ELMO1: variants seen among roughly 807,000 people sequenced by gnomAD.
ELMO1 encodes engulfment and cell motility 1, also known as engulfment and cell motility protein 1.
In ELMO1, 26 loss-of-function variants were observed where a neutral mutation model predicts 98.9. The ratio of observed to expected loss-of-function variants is 0.26; its 90% confidence interval spans 0.19 to 0.36. The LOEUF (loss-of-function observed/expected upper bound fraction) is 0.36, where lower values mean the gene tolerates loss of function less well. ELMO1 is among the 10% of genes least tolerant of loss of function. The pLI is 1.00. For synonymous variants in ELMO1, 346 were observed against 346.0 expected (o/e 1.00, Z 0.00); for missense variants, 627 against 935.2 (o/e 0.67, Z 4.30).
At chr7:37,153,847 C>T (rs1278847502) in intron 13 of ELMO1, among the ~76,000 whole-genome samples, 3 of 152,192 alleles carry the variant, frequency 2.0e-5, no homozygotes, top group African/African-American at 7.2e-5. Context: ...AACAGACTGC[C>T]TCCTCAAGCA....
intron 16 of ELMO1, among the ~76,000 whole-genome samples, chr7:36,950,409 A>C (rs569331893): frequency 6.6e-6 from 1 of 152,106 alleles, no homozygotes; most frequent in Non-Finnish European, 1.5e-5. Context: ...CACTCTTCAC[A>C]GTGGGTGACT....
Position 37,425,133 on chromosome 7 carries a change from T to C in ELMO1, c.-74+23542A>G, listed in dbSNP as rs964484378. Among the ~76,000 whole-genome samples, 8 of 152,132 alleles carry C rather than the reference T, an allele frequency of 5.3e-5. No individual in the cohort carries two copies. In the South Asian group the frequency reaches 1.7e-3, roughly 31 times the overall value. On this transcript the variant is annotated intron_variant, in intron 1 of 21. Transcript: ENST00000310758. ...ACAAAGTACCATAGACTAGGTGGCT[T>C]ATTAACAACAGAAATTTACTTCTCA...
At chr7:37,193,078 G>A (rs1274942243) in intron 13 of ELMO1, among the ~76,000 whole-genome samples, 1 of 150,176 alleles carries the variant, frequency 6.7e-6, no homozygotes, top group Non-Finnish European at 1.5e-5. Context: ...AAACATTGCA[G>A]ATGTGTGCTC....
At chr7:36,902,830 T>C (rs1762823142) in intron 16 of ELMO1, among the ~76,000 whole-genome samples, 2 of 152,206 alleles carry the variant, frequency 1.3e-5, no homozygotes, top group South Asian at 2.1e-4. Context: ...TGGTGGGATG[T>C]TGACTTTGCC....
At position 37,188,503 on chromosome 7, in the gene ELMO1, AT is replaced by A. The variant is rs1396920861; in HGVS notation, c.1086+22882del. 1.3e-3 allele frequency among the ~76,000 whole-genome samples: 184 copies of A among 136,856 alleles called. 3 individuals carry two copies. Among genetic ancestry groups the A allele is most frequent in the Middle Eastern group, 3.8e-3 (1 of 262 alleles). 89.8% of individuals were successfully genotyped at this position (136,856 alleles called of 152,430 possible). On this transcript the variant is annotated intron_variant, in intron 13 of 21. Transcript: ENST00000310758. ...GGAGAAAGGTAAAAAAAAAAAAAAAATAATAATAATAATAATAATAATAACT... is the reference window on the plus strand; with the variant it reads ...GGAGAAAGGTAAAAAAAAAAAAAAAAAATAATAATAATAATAATAATAACT...
rs370047901 is a variant in ELMO1 at position 37,070,382 on chromosome 7, T to C, written c.1300+26237A>G. Among the ~76,000 whole-genome samples, 3 of 152,336 alleles carry C rather than the reference T, an allele frequency of 2.0e-5. No homozygotes were observed. The South Asian group carries it at 6.2e-4, about 32-fold the overall frequency. On this transcript the variant is annotated intron_variant, in intron 15 of 21. Coordinates refer to ENST00000310758, the MANE Select transcript of ELMO1 (RefSeq NM_014800.11). ...AAATTCATATGAAGATGCAATCCTC[T>C]TGTATTCTTTCTTTCTTTTTCATCT...
chr7:37,281,699 TCA>T (rs1273992271), intron 4 of ELMO1, among the ~76,000 whole-genome samples: 2 of 152,188 alleles, frequency 1.3e-5, no homozygotes, highest in African/African-American at 4.8e-5. Flanking sequence ...TTCAGAATCG[TCA>T]CAGTCTAAAC....
intron 14 of ELMO1, among the ~76,000 whole-genome samples, chr7:37,111,282 C>T (rs1785236420): frequency 1.3e-5 from 2 of 152,188 alleles, no homozygotes; most frequent in Admixed American, 1.3e-4. Context: ...AAGTTAACCT[C>T]ACCCATTCCA....
intron 14 of ELMO1, among the ~76,000 whole-genome samples, chr7:37,106,854 A>G (rs1409997031): frequency 6.6e-6 from 1 of 152,212 alleles, no homozygotes; most frequent in Non-Finnish European, 1.5e-5. Flanking sequence ...AGTACTTCTC[A>G]AACTTTAAAG....
chr7:37,281,230 G>A (rs1797121201), intron 4 of ELMO1, among the ~76,000 whole-genome samples: 1 of 151,392 alleles, frequency 6.6e-6, no homozygotes. Flanking sequence ...GGACTTGGGG[G>A]GAAGAGCGGG....
chr7:37,206,104 G>A (rs769233594), intron 13 of ELMO1, among the ~76,000 whole-genome samples: 1 of 151,936 alleles, frequency 6.6e-6, no homozygotes, highest in Non-Finnish European at 1.5e-5. Flanking sequence ...CATCTCTCAC[G>A]GTGTCACAGA....
chr7:36,979,939 TA>T (rs1790905304), intron 16 of ELMO1, among the ~76,000 whole-genome samples: 1 of 152,200 alleles, frequency 6.6e-6, no homozygotes, highest in Non-Finnish European at 1.5e-5. Context: ...CTATCTTAAA[TA>T]TTCAGCTGCA....
At chr7:36,941,015 G>A (rs1043113970) in intron 16 of ELMO1, among the ~76,000 whole-genome samples, 4 of 152,174 alleles carry the variant, frequency 2.6e-5, no homozygotes, top group Non-Finnish European at 4.4e-5. Context: ...AGATAGCATC[G>A]GCTCTCAGCT....
At chr7:37,420,732 A>G (rs904482818) in intron 1 of ELMO1, among the ~76,000 whole-genome samples, 6 of 152,224 alleles carry the variant, frequency 3.9e-5, no homozygotes, top group Non-Finnish European at 5.9e-5. Context: ...AAGTGATCAA[A>G]TACTTCACTC....
chr7:37,104,356 C>T (rs758036835), intron 14 of ELMO1, among the ~76,000 whole-genome samples: 1 of 151,416 alleles, frequency 6.6e-6, no homozygotes, highest in Non-Finnish European at 1.5e-5. Flanking sequence ...GTGTCAGAAT[C>T]ACCTGGAGAA....
At chr7:37,354,673 A>G (rs1801420559) in intron 1 of ELMO1, among the ~76,000 whole-genome samples, 1 of 152,194 alleles carries the variant, frequency 6.6e-6, no homozygotes, top group African/African-American at 2.4e-5. Flanking sequence ...TTGTAATGCC[A>G]GTGGCTGCTC....
At chr7:37,005,107 CAAAAAAAAAAAA>C (rs35665315) in intron 16 of ELMO1, among the ~76,000 whole-genome samples, 7 of 38,294 alleles carry the variant, frequency 1.8e-4, no homozygotes, top group African/African-American at 3.6e-4. Flanking sequence ...GGCTCTGTCT[CAAAAAAAAAAAA>C]AAAAAAAAAA....
chr7:37,126,781 C>T (rs887490312), intron 14 of ELMO1, among the ~76,000 whole-genome samples: 9 of 152,214 alleles, frequency 5.9e-5, no homozygotes, highest in East Asian at 1.9e-4. Context: ...CACGCAGGCA[C>T]GTGGTAGGTG....
intron 16 of ELMO1, among the ~76,000 whole-genome samples, chr7:36,998,725 G>A (rs1211810009): frequency 6.6e-6 from 1 of 151,910 alleles, no homozygotes; most frequent in Non-Finnish European, 1.5e-5. Flanking sequence ...TGACTTTTGT[G>A]GCTAAAGAGG....
Sources: gnomAD v4.1 joint callset for allele counts (sites outside exome capture counted in the v4.1 genomes callset) on GRCh38, gnomAD v4.1.1 for gene constraint, MANE v1.5 for transcripts, NCBI Gene and HGNC (gene_info 2026-07-23, HGNC 2026-07-21) for gene names.